Variants in PRKCB observed in about 807,000 individuals in gnomAD.
PRKCB encodes the protein protein kinase C beta.
Under a neutral mutation model 81.5 loss-of-function variants are expected in PRKCB, and 13 were observed. The ratio of observed to expected loss-of-function variants is 0.16; its 90% CI spans 0.10 to 0.25. PRKCB has a LOEUF of 0.25. PRKCB is among the 10% of genes least tolerant of loss of function. PRKCB has a pLI of 1.00. For synonymous variants in PRKCB, 335 were observed against 321.4 expected, an observed-to-expected ratio of 1.04 and a Z score of -0.45; for missense variants, 509 against 875.7, an observed-to-expected ratio of 0.58 and a Z score of 5.29.
At chr16:23,874,395 T>A (rs1301594302) in intron 2 of PRKCB, among the ~76,000 whole-genome samples, 1 of 152,148 alleles carries the variant, frequency 6.6e-6, no homozygotes, top group Admixed American at 6.5e-5. Flanking sequence ...AAATTCAAAT[T>A]CCTACAGGGG....
At chr16:24,164,406 G>T (rs1044409606) in intron 10 of PRKCB, among the ~76,000 whole-genome samples, 3 of 152,224 alleles carry the variant, frequency 2.0e-5, no homozygotes, top group Non-Finnish European at 4.4e-5. Flanking sequence ...AGATTAAGGA[G>T]AAAGGGAATT....
chr16:24,022,127 G>A (rs766506192), intron 3 of PRKCB, among the ~76,000 whole-genome samples: 96 of 152,100 alleles, frequency 6.3e-4, no homozygotes, highest in Non-Finnish European at 1.0e-3. Context: ...GTGATGCTGC[G>A]GCAGGAGTGT....
At chr16:24,075,771 G>T (rs766074305) in intron 5 of PRKCB, among the ~76,000 whole-genome samples, 2 of 152,182 alleles carry the variant, frequency 1.3e-5, no homozygotes, top group African/African-American at 2.4e-5. Flanking sequence ...TTTCTGTCCA[G>T]AATTCTTCCT....
intron 3 of PRKCB, among the ~76,000 whole-genome samples, chr16:24,003,334 C>T (rs1407577396): frequency 6.6e-6 from 1 of 152,050 alleles, no homozygotes; most frequent in Non-Finnish European, 1.5e-5. Context: ...TACAGTTGAC[C>T]CCATGGAAAG....
At chr16:23,953,696 T>C (rs1964312453) in intron 2 of PRKCB, among the ~76,000 whole-genome samples, 1 of 151,458 alleles carries the variant, frequency 6.6e-6, no homozygotes, top group African/African-American at 2.5e-5. Context: ...GTGAGCACAT[T>C]CATTCATTCA....
At chr16:23,839,810 A>T (rs56404504) in intron 2 of PRKCB, among the ~76,000 whole-genome samples, 4,553 of 152,288 alleles carry the variant, frequency 0.03, 106 homozygotes, top group Non-Finnish European at 0.046. Context: ...TCATTGCAAT[A>T]TCCAAGATTC....
chr16:24,066,875 G>A (rs1213048859), intron 5 of PRKCB, among the ~76,000 whole-genome samples: 1 of 152,120 alleles, frequency 6.6e-6, no homozygotes, highest in Non-Finnish European at 1.5e-5. Context: ...TTGAGACAAG[G>A]GTCTTGCTCT....
intron 5 of PRKCB, among the ~76,000 whole-genome samples, chr16:24,061,914 A>AAT (rs1387934505): frequency 5.4e-5 from 8 of 146,906 alleles, no homozygotes; most frequent in Admixed American, 4.8e-4. Flanking sequence ...AATAAATAAA[A>AAT]AAAAAAAAAA....
intron 9 of PRKCB, among the ~76,000 whole-genome samples, chr16:24,135,170 A>G (rs1043427256): frequency 2.0e-5 from 3 of 151,880 alleles, no homozygotes; most frequent in African/African-American, 4.8e-5. Flanking sequence ...AGTCAGCCCT[A>G]TGTTCCAGCT....
chr16:23,969,257 T>C (rs575597778), intron 2 of PRKCB, among the ~76,000 whole-genome samples: 1 of 152,144 alleles, frequency 6.6e-6, no homozygotes, highest in South Asian at 2.1e-4. Context: ...GAGTTTAAAG[T>C]GAATGTGTAG....
At chr16:24,190,951 A>G in intron 15 of PRKCB, 139 bp from the exon 16 acceptor site, 1 of 1,075,566 alleles carries the variant, frequency 9.3e-7, no homozygotes, top group Non-Finnish European at 1.3e-6. Context: ...TTTTGCTGGG[A>G]TAAAAAGCAA....
chr16:24,199,515 A>T (rs1369003899), intron 16 of PRKCB, among the ~76,000 whole-genome samples: 1 of 152,186 alleles, frequency 6.6e-6, no homozygotes, highest in East Asian at 1.9e-4. Context: ...TAAGAAAAGG[A>T]TCTAACACTT....
chr16:24,077,977 C>A (rs1483776273), intron 5 of PRKCB, among the ~76,000 whole-genome samples: 1 of 152,168 alleles, frequency 6.6e-6, no homozygotes, highest in Non-Finnish European at 1.5e-5. Context: ...TTCCTCAGAG[C>A]TGGGAAGGCT....
At chr16:24,172,201 C>A in intron 10 of PRKCB, 69 bp from the exon 11 acceptor site, 1 of 1,120,858 alleles carries the variant, frequency 8.9e-7, no homozygotes, top group Non-Finnish European at 1.3e-6. Flanking sequence ...TCCAGCTCTT[C>A]CCCCACTGTC....
chr16:24,008,827 G>A (rs571005349), intron 3 of PRKCB, among the ~76,000 whole-genome samples: 2 of 152,162 alleles, frequency 1.3e-5, no homozygotes, highest in Non-Finnish European at 2.9e-5. Context: ...ACTGAAACTT[G>A]ATGCCCATTG....
intron 8 of PRKCB, among the ~76,000 whole-genome samples, chr16:24,116,231 A>T (rs1966736172): frequency 6.6e-6 from 1 of 152,084 alleles, no homozygotes; most frequent in African/African-American, 2.4e-5. Context: ...GAAACAAACT[A>T]TCAAGTTTGT....
At chr16:24,061,920 A>AAC (rs1320246012) in intron 5 of PRKCB, among the ~76,000 whole-genome samples, 8 of 149,126 alleles carry the variant, frequency 5.4e-5, no homozygotes, top group East Asian at 3.9e-4. Context: ...TAAAAAAAAA[A>AAC]AAAAAAAAAA....
chr16:24,107,564 G>C (rs1033541334), intron 7 of PRKCB, among the ~76,000 whole-genome samples: 12 of 152,172 alleles, frequency 7.9e-5, no homozygotes, highest in African/African-American at 2.9e-4. Flanking sequence ...TCTTCCTCAC[G>C]TTGGTTCTGT....
At position 24,219,553 on chromosome 16, in the gene PRKCB, G is replaced by GT; in HGVS notation, c.*4741dup. On this transcript the variant is annotated 3_prime_UTR_variant, in exon 17 of 17. Coordinates refer to ENST00000643927, the MANE Select transcript of PRKCB (RefSeq NM_002738.7). ...TAGCCACCTGGGCTGCTACTGAATG[G>GT]TTTTCTCCAGGACGCTCTACCTAAT... 1 of 990,570 alleles carries GT rather than the reference G, an allele frequency of 1.0e-6. No individual in the cohort carries two copies. Among genetic ancestry groups the GT allele is most frequent in the Non-Finnish European group, 1.2e-6 (1 of 833,410 alleles). 61.4% of individuals were successfully genotyped at this position (990,570 alleles called of 1,614,324 possible). A position where few individuals can be genotyped will look rare whatever the true frequency, so the allele number is the denominator to read the frequency against.
Sources: gnomAD v4.1 joint callset for allele counts (sites outside exome capture counted in the v4.1 genomes callset) on GRCh38, gnomAD v4.1.1 for gene constraint, MANE v1.5 for transcripts, NCBI Gene and HGNC (gene_info 2026-07-23, HGNC 2026-07-21) for gene names.